FRMD4A: variants seen among roughly 807,000 people sequenced by gnomAD.
FRMD4A encodes FERM domain containing 4A.
FRMD4A carries 29 observed loss-of-function variants against 129.1 expected under a neutral mutation model. The observed-to-expected ratio is 0.22, with a 90% CI of 0.17 to 0.31. FRMD4A has a LOEUF of 0.31. Ranked by LOEUF, FRMD4A falls within the 10% of genes least tolerant of loss-of-function variation. The pLI is 1.00. For synonymous variants in FRMD4A, 634 were observed against 571.6 expected (o/e 1.11, Z -1.56); for missense variants, 1,272 against 1,375.8 (o/e 0.92, Z 1.19).
chr10:13,994,175 A>ATTTTT (rs549621959), intron 2 of FRMD4A, among the ~76,000 whole-genome samples: 4 of 101,974 alleles, frequency 3.9e-5, no homozygotes, highest in Non-Finnish European at 5.7e-5. Context: ...CGCCCAGCTA[A>ATTTTT]TTTTTTTTTT....
chr10:14,042,154 T>G (rs1476833407), intron 2 of FRMD4A, among the ~76,000 whole-genome samples: 1 of 152,230 alleles, frequency 6.6e-6, no homozygotes, highest in African/African-American at 2.4e-5. Flanking sequence ...TCGATGTACT[T>G]TATGTTCTTA....
intron 13 of FRMD4A, among the ~76,000 whole-genome samples, chr10:13,702,786 C>CG (rs1276922140): frequency 6.6e-6 from 1 of 151,250 alleles, no homozygotes; most frequent in Admixed American, 6.6e-5. Context: ...GGGCGGGGGT[C>CG]GGGGGTGCTA....
chr10:14,047,771 G>T (rs531685772), intron 2 of FRMD4A, among the ~76,000 whole-genome samples: 1 of 152,192 alleles, frequency 6.6e-6, no homozygotes, highest in Non-Finnish European at 1.5e-5. Context: ...AACCCTTTGG[G>T]GTTTTAACCC....
At chr10:14,267,613 G>A (rs1845022624) in intron 2 of FRMD4A, among the ~76,000 whole-genome samples, 2 of 152,112 alleles carry the variant, frequency 1.3e-5, no homozygotes, top group Non-Finnish European at 1.5e-5. Context: ...TACAATTCAA[G>A]CAATTAGGAA....
chr10:13,946,543 T>C (rs1201363122), intron 2 of FRMD4A, among the ~76,000 whole-genome samples: 1 of 152,200 alleles, frequency 6.6e-6, no homozygotes, highest in Non-Finnish European at 1.5e-5. Flanking sequence ...GTCTGGAAAC[T>C]CTGGTGTAGA....
At chr10:14,321,033 T>G (rs974663663) in intron 2 of FRMD4A, among the ~76,000 whole-genome samples, 1 of 152,242 alleles carries the variant, frequency 6.6e-6, no homozygotes, top group African/African-American at 2.4e-5. Flanking sequence ...GCACTCATAG[T>G]TCTTCTATTT....
chr10:13,790,220 G>T (rs1184717357), intron 5 of FRMD4A, among the ~76,000 whole-genome samples: 5 of 152,116 alleles, frequency 3.3e-5, no homozygotes, highest in Non-Finnish European at 7.4e-5. Context: ...AGGGGTGATG[G>T]TGCCCATCAC....
chr10:13,933,097 G>T (rs1445863267), intron 2 of FRMD4A, among the ~76,000 whole-genome samples: 1 of 152,008 alleles, frequency 6.6e-6, no homozygotes, highest in African/African-American at 2.4e-5. Context: ...TGAGGCAGAG[G>T]TTGCAGTGAA....
chr10:13,723,944 C>G (rs1051377256), intron 12 of FRMD4A, among the ~76,000 whole-genome samples: 1 of 152,210 alleles, frequency 6.6e-6, no homozygotes. Context: ...AAGAACTGGA[C>G]ACTCTAATTT....
At position 14,185,706 on chromosome 10, in the gene FRMD4A, A is replaced by G. The variant is rs559433128; in HGVS notation, c.45+144352T>C. On this transcript the variant is annotated intron_variant, in intron 2 of 24. Transcript: ENST00000357447. ...AGGATAGCAGCAGCTCAACAGTGGC[A>G]CCTTCAGTAGTTCTAGAGAGAAGGG... Among the ~76,000 whole-genome samples the G allele has an allele frequency of 2.5e-4, 38 of 152,298 alleles. No homozygotes were observed. The South Asian group carries it at 4.4e-3, about 17-fold the overall frequency.
At chr10:13,665,744 G>C (rs2082979763) in intron 18 of FRMD4A, among the ~76,000 whole-genome samples, 2 of 152,214 alleles carry the variant, frequency 1.3e-5, no homozygotes, top group African/African-American at 4.8e-5. Context: ...ACTTGAGTAG[G>C]GGTGGTCAGG....
intron 6 of FRMD4A, among the ~76,000 whole-genome samples, chr10:13,775,783 C>T (rs959313306): frequency 6.6e-6 from 1 of 152,106 alleles, no homozygotes; most frequent in Non-Finnish European, 1.5e-5. Flanking sequence ...CCACAGCAAC[C>T]AAAATCAAAC....
intron 3 of FRMD4A, among the ~76,000 whole-genome samples, chr10:13,838,086 A>T (rs2093903759): frequency 6.6e-6 from 1 of 152,046 alleles, no homozygotes; most frequent in Non-Finnish European, 1.5e-5. Flanking sequence ...ACAACGTGCT[A>T]TCTCTTTATT....
chr10:13,972,037 C>T (rs890235543), intron 2 of FRMD4A: 28 of 1,163,044 alleles, frequency 2.4e-5, no homozygotes, highest in Middle Eastern at 3.9e-4. Flanking sequence ...AACTCCCTCC[C>T]AAAGTGTTTT....
intron 2 of FRMD4A, among the ~76,000 whole-genome samples, chr10:14,156,580 G>A (rs1057187768): frequency 6.6e-6 from 1 of 152,014 alleles, no homozygotes; most frequent in Admixed American, 6.6e-5. Flanking sequence ...ATGAGGGAAG[G>A]TACATGGAGA....
At chr10:13,854,727 C>T (rs77958741) in intron 3 of FRMD4A, among the ~76,000 whole-genome samples, 4,319 of 152,092 alleles carry the variant, frequency 0.028, 73 homozygotes, top group South Asian at 0.056. Context: ...CCACTGCATC[C>T]GGCCTGATAA....
rs183798793 is a variant in FRMD4A, at chr10:13,870,182, C to G, written c.46-11270G>C. ...AGAGCAGCCCTTGGGCAGATCTGGACAGAGGCCTGAAGGCCCCAGAGGCCA... is the reference window on the plus strand; with the variant it reads ...AGAGCAGCCCTTGGGCAGATCTGGAGAGAGGCCTGAAGGCCCCAGAGGCCA... On this transcript the variant is annotated intron_variant, in intron 2 of 24. Coordinates refer to ENST00000357447, the MANE Select transcript of FRMD4A (RefSeq NM_018027.5). Among the ~76,000 whole-genome samples the G allele has an allele frequency of 3.1e-3, 476 of 152,332 alleles. 1 individual carries two copies. Among genetic ancestry groups the G allele is most frequent in the Middle Eastern group, 0.02 (6 of 294 alleles).
intron 19 of FRMD4A, 125 bp from the exon 20 acceptor site, chr10:13,660,678 T>G (rs2082572479): frequency 1.6e-6 from 1 of 630,342 alleles, no homozygotes; most frequent in Non-Finnish European, 2.8e-6. Flanking sequence ...TTCACCCCTG[T>G]GATGAGAAAC....
chr10:13,762,216 C>T (rs967026458), intron 7 of FRMD4A, among the ~76,000 whole-genome samples: 3 of 152,094 alleles, frequency 2.0e-5, no homozygotes, highest in South Asian at 4.1e-4. Context: ...TCTTTTTTTA[C>T]GTTTTATTTT....
Sources: allele counts gnomAD v4.1 joint callset (sites outside exome capture counted in the v4.1 genomes callset), GRCh38; gene constraint gnomAD v4.1.1; transcripts MANE v1.5; gene names NCBI Gene and HGNC (gene_info 2026-07-23, HGNC 2026-07-21).